SYN3: variants seen among roughly 807,000 people sequenced by gnomAD.
The protein encoded by SYN3 is synapsin III.
SYN3 carries 35 observed loss-of-function variants against 65.8 expected under a neutral mutation model. That is an observed-to-expected ratio of 0.53 (90% CI 0.41 to 0.70). The LOEUF (loss-of-function observed/expected upper bound fraction) is 0.70, where lower values mean the gene tolerates loss of function less well. Ranked by LOEUF, SYN3 falls within the 30% of genes least tolerant of loss-of-function variation. The probability of loss-of-function intolerance (pLI) is 0.00; values close to 1 mark genes in which losing one functional copy is unlikely to be tolerated. For missense variants in SYN3, 680 were observed against 749.0 expected (o/e 0.91, Z 1.08); for synonymous variants, 270 against 292.9 (o/e 0.92, Z 0.80).
intron 6 of SYN3, among the ~76,000 whole-genome samples, chr22:32,842,453 G>A (rs1044761462): frequency 6.6e-6 from 1 of 152,156 alleles, no homozygotes; most frequent in African/African-American, 2.4e-5. Flanking sequence ...CTTGGGAAGG[G>A]TCACTGAGGA....
intron 3 of SYN3, among the ~76,000 whole-genome samples, chr22:32,962,013 C>T (rs2051669195): frequency 1.3e-5 from 2 of 151,972 alleles, no homozygotes; most frequent in South Asian, 2.1e-4. Flanking sequence ...GTCCATCAAA[C>T]CAAAGTGTCT....
chr22:32,530,578 A>ATT (rs575048512), intron 10 of SYN3, among the ~76,000 whole-genome samples: 44 of 126,640 alleles, frequency 3.5e-4, no homozygotes, highest in African/African-American at 9.5e-4. Flanking sequence ...CTACGGGCCT[A>ATT]TTTTTTTTTT....
intron 4 of SYN3, among the ~76,000 whole-genome samples, chr22:32,904,663 C>T (rs1166834616): frequency 1.3e-5 from 2 of 152,050 alleles, no homozygotes; most frequent in Admixed American, 1.3e-4. Flanking sequence ...TCTCCTTATG[C>T]ATATAGAGTC....
chr22:32,727,760 T>C (rs2061215822), intron 6 of SYN3, among the ~76,000 whole-genome samples: 1 of 152,270 alleles, frequency 6.6e-6, no homozygotes, highest in South Asian at 2.1e-4. Context: ...TTGTGTTTGT[T>C]GGCTGCATGT....
chr22:32,629,206 C>T (rs766849419), intron 6 of SYN3, among the ~76,000 whole-genome samples: 4 of 152,108 alleles, frequency 2.6e-5, no homozygotes, highest in Admixed American at 1.3e-4. Flanking sequence ...GAGCAGCCCT[C>T]GAGGTAGGAA....
At chr22:32,913,002 T>C (rs1387264948) in intron 4 of SYN3, among the ~76,000 whole-genome samples, 1 of 152,088 alleles carries the variant, frequency 6.6e-6, no homozygotes, top group African/African-American at 2.4e-5. Context: ...TGGACGACGA[T>C]GGTGTGTAGA....
intron 1 of SYN3, among the ~76,000 whole-genome samples, chr22:33,038,809 C>T (rs1048605790): frequency 1.3e-5 from 2 of 152,208 alleles, no homozygotes; most frequent in African/African-American, 4.8e-5. Context: ...GCAGCTCTCG[C>T]ACCCCTAAAC....
intron 6 of SYN3, among the ~76,000 whole-genome samples, chr22:32,644,156 G>C (rs1017909568): frequency 1.3e-5 from 2 of 149,880 alleles, no homozygotes; most frequent in Non-Finnish European, 3.0e-5. Flanking sequence ...AGGGAGATGG[G>C]AGACAGAGTG....
intron 7 of SYN3, among the ~76,000 whole-genome samples, chr22:32,595,037 G>A (rs1227058469): frequency 6.6e-6 from 1 of 152,184 alleles, no homozygotes; most frequent in South Asian, 2.1e-4. Context: ...AGACCCACAT[G>A]TTCCCACTTG....
intron 6 of SYN3, among the ~76,000 whole-genome samples, chr22:32,689,774 A>G (rs2060638225): frequency 6.6e-6 from 1 of 152,124 alleles, no homozygotes; most frequent in Non-Finnish European, 1.5e-5. Context: ...ATAGTCATGC[A>G]TTTAAGTCCC....
At chr22:32,692,175 A>G (rs2060672529) in intron 6 of SYN3, among the ~76,000 whole-genome samples, 1 of 103,074 alleles carries the variant, frequency 9.7e-6, no homozygotes, top group Non-Finnish European at 1.7e-5. Context: ...AAAAAAAAAA[A>G]ACAGGACGGT....
chr22:32,839,516 C>T (rs961740623), intron 6 of SYN3, among the ~76,000 whole-genome samples: 1 of 152,146 alleles, frequency 6.6e-6, no homozygotes, highest in Non-Finnish European at 1.5e-5. Flanking sequence ...ACAGTCCTCC[C>T]TCCCCAGGTA....
At chr22:32,650,259 C>T (rs1157797502) in intron 6 of SYN3, among the ~76,000 whole-genome samples, 43 of 82,926 alleles carry the variant, frequency 5.2e-4, no homozygotes, top group African/African-American at 1.7e-3. Context: ...CCCTCCCTCC[C>T]TCTCTCTCTC....
At chr22:32,919,332 T>G (rs1223998171) in intron 4 of SYN3, among the ~76,000 whole-genome samples, 1 of 152,236 alleles carries the variant, frequency 6.6e-6, no homozygotes, top group Non-Finnish European at 1.5e-5. Context: ...TCTCATGACC[T>G]GCCCTTAGCC....
chr22:32,662,563 G>A (rs1296215801), intron 6 of SYN3, among the ~76,000 whole-genome samples: 2 of 152,126 alleles, frequency 1.3e-5, no homozygotes, highest in Non-Finnish European at 2.9e-5. Context: ...AACTGGCTAC[G>A]GGTCTTTGGC....
At chr22:33,028,682 G>A (rs1481773704) in intron 1 of SYN3, among the ~76,000 whole-genome samples, 27 of 94,680 alleles carry the variant, frequency 2.9e-4, no homozygotes, top group African/African-American at 1.4e-3. Context: ...GGTGGTGGTG[G>A]TGGTGGTGAT....
At chr22:32,743,823 C>T (rs1034707301) in intron 6 of SYN3, among the ~76,000 whole-genome samples, 2 of 151,988 alleles carry the variant, frequency 1.3e-5, no homozygotes, top group African/African-American at 4.8e-5. Flanking sequence ...TCCTGGGGTC[C>T]AAGCCTCCTT....
intron 6 of SYN3, among the ~76,000 whole-genome samples, chr22:32,719,410 G>T (rs2061084600): frequency 1.3e-5 from 2 of 152,158 alleles, no homozygotes; most frequent in Non-Finnish European, 2.9e-5. Flanking sequence ...AATCTCATTT[G>T]TCCATTTGTT....
chr22:32,597,172 A>T (rs141413413), intron 6 of SYN3, among the ~76,000 whole-genome samples: 4 of 128,452 alleles, frequency 3.1e-5, no homozygotes, highest in Middle Eastern at 5.6e-3. Context: ...AAGCTTAATT[A>T]TTCCTGGCAT....
Sources: gnomAD v4.1 joint callset for allele counts (sites outside exome capture counted in the v4.1 genomes callset) on GRCh38, gnomAD v4.1.1 for gene constraint, MANE v1.5 for transcripts, NCBI Gene and HGNC (gene_info 2026-07-23, HGNC 2026-07-21) for gene names.